IL1RAPL2: variants seen among roughly 807,000 people sequenced by gnomAD.
IL1RAPL2 encodes the protein X-linked interleukin-1 receptor accessory protein-like 2.
IL1RAPL2 carries 3 observed loss-of-function variants against 44.1 expected under a neutral mutation model. That is an observed-to-expected ratio of 0.07 (90% CI 0.03 to 0.18). The LOEUF is 0.18. IL1RAPL2 is among the 10% of genes least tolerant of loss of function. The pLI, the probability that IL1RAPL2 is intolerant of heterozygous loss-of-function variation, is 1.00. For synonymous variants in IL1RAPL2, 181 were observed against 178.8 expected, an observed-to-expected ratio of 1.01 and a Z score of -0.10; for missense variants, 391 against 496.4, an observed-to-expected ratio of 0.79 and a Z score of 2.02.
At chrX:105,641,200 T>TTTTTA (rs974896270) in intron 6 of IL1RAPL2, among the ~76,000 whole-genome samples, 2 of 58,576 alleles carry the variant, frequency 3.4e-5, no homozygotes, top group African/African-American at 6.7e-5. Context: ...GCTTGAGGGC[T>TTTTTA]TTTTATTTTA....
At chrX:104,946,406 A>AAAAAAAAAAAAT (rs1569348400) in intron 2 of IL1RAPL2, among the ~76,000 whole-genome samples, 1 of 96,257 alleles carries the variant, frequency 1.0e-5, no homozygotes, top group East Asian at 3.2e-4. Context: ...AAAAAAAAAA[A>AAAAAAAAAAAAT]AAACTTTTTA....
chrX:105,268,624 C>G (rs975388234), intron 5 of IL1RAPL2, among the ~76,000 whole-genome samples: 2 of 109,551 alleles, frequency 1.8e-5, no homozygotes, highest in African/African-American at 6.7e-5. Context: ...AAAAAATTAG[C>G]CAGGCGTGGT....
chrX:105,691,350 A>G (rs1417591660), intron 6 of IL1RAPL2, among the ~76,000 whole-genome samples: 1 of 110,736 alleles, frequency 9.0e-6, no homozygotes, highest in Non-Finnish European at 1.9e-5. Context: ...ATTGAACTTG[A>G]GCTTAAAATA....
chrX:104,886,752 A>G (rs1047542840), intron 2 of IL1RAPL2, among the ~76,000 whole-genome samples: 4 of 112,183 alleles, frequency 3.6e-5, no homozygotes, highest in East Asian at 2.8e-4. Flanking sequence ...TGAGGATCCC[A>G]CAGACCACAC....
chrX:104,981,091 TTGTGTGTG>T (rs1247100869), intron 2 of IL1RAPL2, among the ~76,000 whole-genome samples: 1 of 69,892 alleles, frequency 1.4e-5, no homozygotes, highest in Non-Finnish European at 2.7e-5. Flanking sequence ...GTGTGTGTGT[TTGTGTGTG>T]TGTGTTATTG....
intron 2 of IL1RAPL2, among the ~76,000 whole-genome samples, chrX:104,905,040 T>G (rs1250815148): frequency 9.0e-6 from 1 of 110,970 alleles, no homozygotes; most frequent in East Asian, 2.8e-4. Context: ...GATTTGCATT[T>G]CTCTGATGGC....
In IL1RAPL2 at chrX:105,701,200, A is replaced by G. The variant is rs187022961; in HGVS notation, c.773-16167A>G. Among the ~76,000 whole-genome samples the G allele has an allele frequency of 9.5e-4, 106 of 111,831 alleles. 1 individual carries two copies. The highest frequency in any genetic ancestry group is 3.3e-3 in the African/African-American group (102 of 30,854). Reference sequence around the variant, plus strand: ...AATGATAGATGGAATTTTGGGCACTATGCAGGCCAATTAGGTTTGCAGAAG... The same window carrying G: ...AATGATAGATGGAATTTTGGGCACTGTGCAGGCCAATTAGGTTTGCAGAAG... On this transcript the variant is annotated intron_variant, in intron 6 of 10. Transcript: ENST00000372582.
At chrX:105,665,291 G>A (rs1220330934) in intron 6 of IL1RAPL2, among the ~76,000 whole-genome samples, 1 of 110,813 alleles carries the variant, frequency 9.0e-6, no homozygotes, top group Non-Finnish European at 1.9e-5. Flanking sequence ...ATAGCCCAAG[G>A]AGCTCAGCCT....
At chrX:104,677,452 G>A (rs768878458) in intron 2 of IL1RAPL2, among the ~76,000 whole-genome samples, 4 of 111,219 alleles carry the variant, frequency 3.6e-5, no homozygotes, top group South Asian at 7.7e-4. Flanking sequence ...CAGTCTGCCG[G>A]TTCTCAGATC....
chrX:105,309,191 C>T (rs183069117), intron 5 of IL1RAPL2, among the ~76,000 whole-genome samples: 24 of 107,947 alleles, frequency 2.2e-4, no homozygotes, highest in South Asian at 1.3e-3. Flanking sequence ...TGCACCACCA[C>T]GCCTGGTTAA....
intron 2 of IL1RAPL2, among the ~76,000 whole-genome samples, chrX:104,901,500 C>T (rs922825217): frequency 1.8e-5 from 2 of 109,666 alleles, no homozygotes; most frequent in Non-Finnish European, 3.8e-5. Context: ...GGTGAGCCAC[C>T]GCACCCTACC....
At chrX:105,199,356 C>A (rs1181064941) in intron 3 of IL1RAPL2, among the ~76,000 whole-genome samples, 1 of 103,329 alleles carries the variant, frequency 9.7e-6, no homozygotes, top group East Asian at 3.0e-4. Context: ...TAGAAAGATG[C>A]TCCAGGTTTA....
At chrX:104,922,329 A>G (rs757154997) in intron 2 of IL1RAPL2, among the ~76,000 whole-genome samples, 2 of 113,171 alleles carry the variant, frequency 1.8e-5, no homozygotes, top group Admixed American at 9.3e-5. Context: ...ATCACTGTAC[A>G]GTGCTCAGCT....
At chrX:105,470,993 T>C (rs776953548) in intron 5 of IL1RAPL2, among the ~76,000 whole-genome samples, 10 of 111,720 alleles carry the variant, frequency 9.0e-5, no homozygotes, top group South Asian at 3.8e-4. Flanking sequence ...AAATTACTTT[T>C]GCACCAACCT....
chrX:105,345,264 T>G (rs775404732), intron 5 of IL1RAPL2, among the ~76,000 whole-genome samples: 4 of 111,890 alleles, frequency 3.6e-5, no homozygotes, highest in Non-Finnish European at 7.5e-5. Flanking sequence ...ATTATCTACG[T>G]CGTATCTTTT....
At chrX:104,802,550 G>A (rs1231732052) in intron 2 of IL1RAPL2, among the ~76,000 whole-genome samples, 1 of 110,067 alleles carries the variant, frequency 9.1e-6, no homozygotes, top group Non-Finnish European at 1.9e-5. Flanking sequence ...TGGTGTGACG[G>A]CCCGCACAAT....
intron 6 of IL1RAPL2, among the ~76,000 whole-genome samples, chrX:105,572,914 GA>G: frequency 8.9e-6 from 1 of 112,105 alleles, no homozygotes; most frequent in East Asian, 2.8e-4. Flanking sequence ...TATTGTTGAA[GA>G]AAAGTTTAGA....
At chrX:105,313,715 A>AT (rs764533477) in intron 5 of IL1RAPL2, among the ~76,000 whole-genome samples, 32 of 111,575 alleles carry the variant, frequency 2.9e-4, no homozygotes, top group African/African-American at 9.1e-4. Flanking sequence ...TTTTGCAGTG[A>AT]TTTTTTTACA....
intron 6 of IL1RAPL2, among the ~76,000 whole-genome samples, chrX:105,639,708 C>T (rs1465064769): frequency 9.0e-6 from 1 of 111,238 alleles, no homozygotes; most frequent in Non-Finnish European, 1.9e-5. Flanking sequence ...CCATTCTCAA[C>T]TTTATTTTTA....
Sources: gnomAD v4.1 joint callset for allele counts (sites outside exome capture counted in the v4.1 genomes callset) on GRCh38, gnomAD v4.1.1 for gene constraint, MANE v1.5 for transcripts, NCBI Gene and HGNC (gene_info 2026-07-23, HGNC 2026-07-21) for gene names.